Variants in SETD1A observed in about 807,000 individuals in gnomAD.
The protein encoded by SETD1A is histone-lysine N-methyltransferase SETD1A.
SETD1A carries 29 observed loss-of-function variants against 149.9 expected under a neutral mutation model. The observed-to-expected ratio is 0.19, with a 90% CI of 0.14 to 0.26. The LOEUF (loss-of-function observed/expected upper bound fraction) is 0.26, where lower values mean the gene tolerates loss of function less well. SETD1A is among the 10% of genes least tolerant of loss of function. The pLI is 1.00. For missense variants in SETD1A, 2,109 were observed against 2,353.1 expected, an observed-to-expected ratio of 0.90 and a Z score of 2.15; for synonymous variants, 1,141 against 968.5, an observed-to-expected ratio of 1.18 and a Z score of -3.31.
chr16:30,961,098 C>T lies in SETD1A; in HGVS notation c.247-169C>T, dbSNP rs1166100942. ...CTGTTATTCTGTGGTGAGAAGAATT[C>T]AGGGAAAAGGGGTCAGGTCTGATGG... On this transcript the variant is annotated intron_variant, in intron 3 of 18. Transcript: ENST00000262519. This position sits in a 1 kb window ranked among gnomAD's most constrained non-coding sequence, Gnocchi z 4.0. Among the ~76,000 whole-genome samples the T allele has an allele frequency of 6.6e-6, 1 of 152,014 alleles. No individual in the cohort carries two copies. Among genetic ancestry groups the T allele is most frequent in the Non-Finnish European group, 1.5e-5 (1 of 68,000 alleles).
chr16:30,958,426 A>T, intron 1 of SETD1A: 1 of 161,610 alleles, frequency 6.2e-6, no homozygotes. Flanking sequence ...GGGGCGGGGG[A>T]GGGGTCTTGC....
chr16:30,960,274 T>C (rs1410177898), intron 3 of SETD1A, among the ~76,000 whole-genome samples: 3 of 152,224 alleles, frequency 2.0e-5, no homozygotes, highest in African/African-American at 7.2e-5. Flanking sequence ...CTGACATGTA[T>C]GGTTATTGAC....
Position 30,979,461 on chromosome 16 carries a change from G to A in SETD1A, c.3675G>A (p.Val1225=). The change falls in exon 14 of 19, where the codon GTG becomes GTA. Residue 1225 remains valine, a synonymous_variant. Transcript: ENST00000262519. The part of the protein sequence containing the change: ...ASLVKSWPEE[V]SRGGRSRAGG... ...TGGTCAAGAGTTGGCCCGAGGAGGT[G>A]TCCCGAGGAGGCCGGAGCCGGGCTG... 3.1e-6 allele frequency: 5 copies of A among 1,601,422 alleles called. No individual in the cohort carries two copies. Among genetic ancestry groups the A allele is most frequent in the Non-Finnish European group, 4.3e-6 (5 of 1,174,284 alleles).
Position 30,981,059 on chromosome 16 carries a change from A to G in SETD1A, c.4693-2A>G. 1 of 1,614,090 alleles carries G rather than the reference A, an allele frequency of 6.2e-7. No homozygotes were observed. The highest frequency in any genetic ancestry group is 8.5e-7 in the Non-Finnish European group (1 of 1,179,966). Reference sequence around the variant, plus strand: ...CAGTTGAGTCTCCCTTCTGCCCCCCAGTTCCGGAAGAAGAAGCTCCGATTT... The same window carrying G: ...CAGTTGAGTCTCCCTTCTGCCCCCCGGTTCCGGAAGAAGAAGCTCCGATTT... On this transcript the variant is annotated splice_acceptor_variant, in intron 16 of 18. Transcript: ENST00000262519. LOFTEE classifies it high-confidence loss of function.
chr16:30,965,776 A>G lies in SETD1A; in HGVS notation c.1895A>G (p.Tyr632Cys), dbSNP rs1447193931. The change falls in exon 8 of 19, where the codon TAC becomes TGC. Residue 632 changes from tyrosine to cysteine, a missense_variant. Tyr to Cys is a radical substitution (Grantham distance 194). Transcript: ENST00000262519. The stretch of plus-strand genomic sequence containing the variant: ...GGTTATCCTCCCCACCAACCTGCCT[A>G]CCTCCTCCCACCCAGACCTGATGGG... ...PLGYPPHQPA[Y>C]LLPPRPDGPP... is the part of the protein sequence containing the mutation. 1.9e-6 allele frequency: 3 copies of G among 1,575,446 alleles called. No homozygotes were observed. The highest frequency in any genetic ancestry group is 1.2e-5 in the South Asian group (1 of 86,398).
rs1353785680 is a variant in SETD1A at position 30,964,644 on chromosome 16, C to G, written c.902C>G (p.Ser301Ter). 6.2e-7 allele frequency: 1 copy of G among 1,613,804 alleles called. No homozygotes were observed. Among genetic ancestry groups the G allele is most frequent in the Admixed American group, 1.7e-5 (1 of 60,018 alleles). ...TCAACCTCCTTCAAGCCCCGGCGGT[C>G]AGAGAACAGCTACCAAGATGCCTTT... is the stretch of plus-strand genomic sequence containing the variant. ...TTSTSFKPRR[S>*]ENSYQDAFSR... Residue 301 changes from serine to a stop codon, truncating the protein, a stop_gained, in exon 7 of 19, where the codon TCA becomes TGA. Coordinates refer to ENST00000262519, the MANE Select transcript of SETD1A (RefSeq NM_014712.3). LOFTEE classifies it high-confidence loss of function.
intron 4 of SETD1A, among the ~76,000 whole-genome samples, chr16:30,963,068 T>C (rs149429498): frequency 4.1e-4 from 62 of 152,296 alleles, no homozygotes; most frequent in African/African-American, 1.4e-3. Flanking sequence ...GAGCATGGGG[T>C]GATCGAGCCT....
In SETD1A at chr16:30,965,597, G is replaced by A. The variant is rs745916390; in HGVS notation, c.1720-4G>A. 1.2e-5 allele frequency: 20 copies of A among 1,612,246 alleles called. No homozygotes were observed. Among genetic ancestry groups the A allele is most frequent in the East Asian group, 1.1e-4 (5 of 44,858 alleles). On this transcript the variant is annotated splice_region_variant and splice_polypyrimidine_tract_variant and intron_variant, in intron 7 of 18. Transcript: ENST00000262519. Reference sequence around the variant, plus strand: ...CCTTCTGTGACCCTCTTCTGCCCCCGCAGGCTTCTCCATGCTCTTCTGGAG... The same window carrying A: ...CCTTCTGTGACCCTCTTCTGCCCCCACAGGCTTCTCCATGCTCTTCTGGAG...
In SETD1A at chr16:30,969,599, A is replaced by T; in HGVS notation, c.2929-3A>T. ...TTAGTCCTCATTTGTCTTTTTTCTT[A>T]AGGATGAGGAGGATGACGAGGAAGA... is the stretch of plus-strand genomic sequence containing the variant. On this transcript the variant is annotated splice_region_variant and splice_polypyrimidine_tract_variant and intron_variant, in intron 11 of 18. Transcript: ENST00000262519. 1 of 1,613,786 alleles carries T rather than the reference A, an allele frequency of 6.2e-7. No homozygotes were observed. The highest frequency in any genetic ancestry group is 8.5e-7 in the Non-Finnish European group (1 of 1,179,700).
rs1301720936 is a variant in SETD1A at position 30,983,611 on chromosome 16, G to A, written c.4813-24G>A. On this transcript the variant is annotated intron_variant, in intron 17 of 18. Transcript: ENST00000262519. This position sits in a 1 kb window ranked among gnomAD's most constrained non-coding sequence, Gnocchi z 6.8. ...GGCAGGAAGTGGGGGACTCTTCCCT[G>A]ACCATCGCATCTCACCCTGGCAGAT... 1.9e-6 allele frequency: 3 copies of A among 1,606,386 alleles called. No individual in the cohort carries two copies. Among genetic ancestry groups the A allele is most frequent in the Non-Finnish European group, 2.5e-6 (3 of 1,177,792 alleles).
rs2056005857 is a variant in SETD1A, at chr16:30,958,892, G to A, written c.150+11G>A. 2 of 1,613,744 alleles carry A rather than the reference G, an allele frequency of 1.2e-6. No homozygotes were observed. Among genetic ancestry groups the A allele is most frequent in the East Asian group, 2.2e-5 (1 of 44,874 alleles). ...CACTTCAGTGTCAACGTGAGTGCCC[G>A]GGTCTTTGGTTGCCATCCGGGGAGC... On this transcript the variant is annotated intron_variant, in intron 2 of 18. Coordinates refer to ENST00000262519, the MANE Select transcript of SETD1A (RefSeq NM_014712.3).
intron 3 of SETD1A, among the ~76,000 whole-genome samples, chr16:30,959,912 A>G (rs987123877): frequency 1.3e-5 from 2 of 152,112 alleles, no homozygotes; most frequent in African/African-American, 4.8e-5. Context: ...TGGAGGCCAC[A>G]CATGTTTCAG....
chr16:30,982,766 G>A (rs2056397568), intron 17 of SETD1A, among the ~76,000 whole-genome samples: 1 of 152,056 alleles, frequency 6.6e-6, no homozygotes, highest in Non-Finnish European at 1.5e-5. Context: ...CCCGACCCAA[G>A]CAGTGGCAGC....
At chr16:30,967,684 C>A in intron 10 of SETD1A, 96 bp downstream of exon 10, 1 of 996,518 alleles carries the variant, frequency 1.0e-6, no homozygotes, top group Non-Finnish European at 1.6e-6. Context: ...GTCCTGAGGG[C>A]ACAGCCAGGT....
At chr16:30,967,677 C>T in intron 10 of SETD1A, 89 bp downstream of exon 10, 1 of 1,105,082 alleles carries the variant, frequency 9.0e-7, no homozygotes, top group Non-Finnish European at 1.4e-6. Flanking sequence ...TCAGGTCGTC[C>T]TGAGGGCACA....
chr16:30,968,028 T>C (rs556950803), intron 10 of SETD1A, among the ~76,000 whole-genome samples: 2 of 152,268 alleles, frequency 1.3e-5, no homozygotes, highest in Admixed American at 6.5e-5. Context: ...CTTCATACTC[T>C]TTTCTTGGGC....
chr16:30,979,669 C>T lies in SETD1A; in HGVS notation c.3883C>T (p.His1295Tyr). The change falls in exon 14 of 19, where the codon CAC becomes TAC. Residue 1295 changes from histidine (H) to tyrosine (Y), a missense_variant. Around this residue, in one of 8 missense-constraint regions of SETD1A, gnomAD observed 832 missense variants for 815.6 expected, o/e 1.02. Transcript: ENST00000262519. ...EAERPRPLLS[H>Y]ILLEHNYALA... is the part of the protein sequence containing the mutation. ...CGAGCGCCCTAGGCCCCTGCTCAGC[C>T]ACATCCTCCTGGAGCACAACTATGC... The T allele has an allele frequency of 6.2e-7, 1 of 1,609,004 alleles. No homozygotes were observed. Among genetic ancestry groups the T allele is most frequent in the Non-Finnish European group, 8.5e-7 (1 of 1,179,686 alleles).
At chr16:30,977,266 C>T (rs574646870) in intron 13 of SETD1A, among the ~76,000 whole-genome samples, 1 of 152,202 alleles carries the variant, frequency 6.6e-6, no homozygotes, top group South Asian at 2.1e-4. Flanking sequence ...TTCTAATAAC[C>T]AGAACCAGTT....
intron 2 of SETD1A, 50 bp from the exon 3 acceptor site, chr16:30,959,041 T>C (rs748155570): frequency 6.7e-7 from 1 of 1,496,486 alleles, no homozygotes; most frequent in African/African-American, 1.4e-5. Flanking sequence ...TGGAGCTCCC[T>C]AGCCTGGATT....
Sources: allele counts gnomAD v4.1 joint callset (sites outside exome capture counted in the v4.1 genomes callset), GRCh38; gene constraint gnomAD v4.1.1; regional missense constraint gnomAD v4.1.1; non-coding constraint Gnocchi (gnomAD v3.1); transcripts MANE v1.5; gene names NCBI Gene and HGNC (gene_info 2026-07-23, HGNC 2026-07-21).